The following CCL4L2 variants were observed in gnomAD, a reference collection of about 807,000 sequenced individuals.
CCL4L2 encodes the protein C-C motif chemokine 4-like.
A neutral mutation model predicts 5.9 loss-of-function variants in CCL4L2; 3 were observed. The observed-to-expected ratio is 0.51, with a 90% CI of 0.23 to 1.32. CCL4L2 has a LOEUF of 1.32. CCL4L2 is among the 40% of genes most tolerant of loss of function. The pLI, the probability that CCL4L2 is intolerant of heterozygous loss-of-function variation, is 0.18. For missense variants in CCL4L2, 74 were observed against 121.2 expected, an observed-to-expected ratio of 0.61 and a Z score of 1.83; for synonymous variants, 36 against 47.6, an observed-to-expected ratio of 0.76 and a Z score of 1.00.
Position 36,212,656 on chromosome 17 carries a change from CCT to C in CCL4L2, c.*237_*238del. On this transcript the variant is annotated 3_prime_UTR_variant, in exon 3 of 3. Coordinates refer to ENST00000617405, the MANE Select transcript of CCL4L2 (RefSeq NM_001291475.2). Reference sequence around the variant, plus strand: ...CCGCATCTCCTCCATACTCAGGACTCCTCTCCGCAGTTCCTGTCTCTTCTCTT... The same window carrying C: ...CCGCATCTCCTCCATACTCAGGACTCCTCCGCAGTTCCTGTCTCTTCTCTT... The C allele has an allele frequency of 1.4e-6, 2 of 1,413,742 alleles. No homozygotes were observed. The highest frequency in any genetic ancestry group is 2.0e-6 in the Non-Finnish European group (2 of 1,001,632). The allele number at this position is 1,413,742 out of a possible 1,614,324, so 87.6% of individuals were successfully genotyped here. A position where few individuals can be genotyped will look rare whatever the true frequency, so the allele number is the denominator to read the frequency against.
In CCL4L2 at chr17:36,211,164, T is replaced by C; in HGVS notation, c.23T>C (p.Leu8Pro). 1.3e-6 allele frequency: 2 copies of C among 1,581,840 alleles called. No individual in the cohort carries two copies. The highest frequency in any genetic ancestry group is 1.7e-6 in the Non-Finnish European group (2 of 1,156,844). The change falls in exon 1 of 3, where the codon CTG (leucine) becomes CCG (proline). Residue 8 changes from leucine to proline, a missense_variant. Leu to Pro is a moderately conservative substitution (Grantham distance 98). Transcript: ENST00000617405. ...ACCATGAAGCTCTGCGTGACTGTCCTGTCTCTCCTCGTGCTAGTAGCTGCC... is the reference window on the plus strand; with the variant it reads ...ACCATGAAGCTCTGCGTGACTGTCCCGTCTCTCCTCGTGCTAGTAGCTGCC...
At position 36,212,351 on chromosome 17, in the gene CCL4L2, T is replaced by G. The variant is rs1220642695; in HGVS notation, c.240T>G (p.Asp80Glu). 8 of 1,143,124 alleles carry G rather than the reference T, an allele frequency of 7.0e-6. 1 individual carries two copies. The highest frequency in any genetic ancestry group is 1.1e-5 in the Non-Finnish European group (8 of 753,004). 70.8% of individuals were successfully genotyped at this position (1,143,124 alleles called of 1,614,324 possible). The stretch of plus-strand genomic sequence containing the variant: ...GCTTCCAGTGCTGCTCCGGGAAGGA[T>G]CCCATCCACCAGAGCTGCCCCACAT... Residue 80 changes from aspartate to glutamate, a missense_variant, in exon 3 of 3, where the codon GAT (aspartate) becomes GAG (glutamate). Asp to Glu is a conservative substitution (Grantham distance 45, BLOSUM62 2). Coordinates refer to ENST00000617405, the MANE Select transcript of CCL4L2 (RefSeq NM_001291475.2).
At chr17:36,211,732 G>C in intron 1 of CCL4L2, 44 bp from the exon 2 acceptor site, 1 of 1,557,282 alleles carries the variant, frequency 6.4e-7, no homozygotes, top group Non-Finnish European at 8.8e-7. Context: ...AAAATAAACA[G>C]CTCCCATGGG....
rs1357013962 is a variant in CCL4L2, at chr17:36,212,302, G to T, written c.192-1G>T. 12 of 892,306 alleles carry T rather than the reference G, an allele frequency of 1.3e-5. 1 individual carries two copies. Among genetic ancestry groups the T allele is most frequent in the Non-Finnish European group, 2.2e-5 (12 of 536,470 alleles). 55.3% of individuals were successfully genotyped at this position (892,306 alleles called of 1,614,324 possible). A position where few individuals can be genotyped will look rare whatever the true frequency, so the allele number is the denominator to read the frequency against. ...CCCCTGGGGCCCACAGCTAAATCCA[G>T]TGAGTGGAAGTTACAGGGAGTCTGC... On this transcript the variant is annotated splice_acceptor_variant, in intron 2 of 2. Coordinates refer to ENST00000617405, the MANE Select transcript of CCL4L2 (RefSeq NM_001291475.2). LOFTEE classifies it high-confidence loss of function.
intron 2 of CCL4L2, chr17:36,212,220 G>A (rs1331999593): frequency 7.0e-6 from 5 of 713,934 alleles, no homozygotes; most frequent in South Asian, 4.5e-5. Context: ...GGCTGGCAGG[G>A]AATGGGGCAA....
At position 36,211,177 on chromosome 17, in the gene CCL4L2, G is replaced by C. The variant is rs2068768117; in HGVS notation, c.36G>C (p.Val12=). The C allele has an allele frequency of 3.2e-6, 5 of 1,581,542 alleles. No individual in the cohort carries two copies. The highest frequency in any genetic ancestry group is 4.3e-6 in the Non-Finnish European group (5 of 1,156,756). ...GCGTGACTGTCCTGTCTCTCCTCGT[G>C]CTAGTAGCTGCCTTCTGCTCTCTAG... is the stretch of plus-strand genomic sequence containing the variant. Residue 12 remains valine (V), a synonymous_variant, in exon 1 of 3, where the codon GTG becomes GTC. Transcript: ENST00000617405.
chr17:36,211,662 C>A, intron 1 of CCL4L2, 114 bp from the exon 2 acceptor site: 1 of 1,130,000 alleles, frequency 8.8e-7, no homozygotes, highest in South Asian at 1.3e-5. Context: ...TACAAGGGAC[C>A]ATATTTGGGG....
rs1409452112 is a variant in CCL4L2, at chr17:36,212,534, G to T, written c.*111G>T. 1.9e-6 allele frequency: 3 copies of T among 1,581,330 alleles called. No individual in the cohort carries two copies. The Admixed American group carries it at 5.1e-5, about 27-fold the overall frequency. On this transcript the variant is annotated 3_prime_UTR_variant, in exon 3 of 3. Transcript: ENST00000617405. ...CTGCGCTGACCCCAGTGAGTCCTGG[G>T]TCCAGGAGTACGTGTATGACCTGGA...
chr17:36,211,174 C>T lies in CCL4L2; in HGVS notation c.33C>T (p.Leu11=), dbSNP rs1406424507. Residue 11 remains leucine, a synonymous_variant, in exon 1 of 3, where the codon CTC becomes CTT. Transcript: ENST00000617405. ...TCTGCGTGACTGTCCTGTCTCTCCT[C>T]GTGCTAGTAGCTGCCTTCTGCTCTC... 5.2e-5 allele frequency: 83 copies of T among 1,581,718 alleles called. 7 individuals carry two copies. The highest frequency in any genetic ancestry group is 1.6e-4 in the East Asian group (7 of 44,606).
chr17:36,212,476 C>G lies in CCL4L2; in HGVS notation c.*53C>G, dbSNP rs1434973898. The G allele has an allele frequency of 3.2e-3, 5,126 of 1,581,318 alleles. 618 individuals carry two copies. The highest frequency in any genetic ancestry group is 4.0e-3 in the Non-Finnish European group (4,652 of 1,156,446). On this transcript the variant is annotated 3_prime_UTR_variant, in exon 3 of 3. Transcript: ENST00000617405. ...GATTCTAATCTGTCTGCTCCTTGTT[C>G]TACGGATTCCAAACCAAAAGAGGCA...
chr17:36,211,954 T>C, intron 2 of CCL4L2, 64 bp downstream of exon 2: 2 of 1,512,526 alleles, frequency 1.3e-6, no homozygotes, highest in South Asian at 1.1e-5. Flanking sequence ...AAAGGGGGCC[T>C]GTTTTGGGGA....
Position 36,212,460 on chromosome 17 carries a change from C to G in CCL4L2, c.*37C>G. 6.3e-7 allele frequency: 1 copy of G among 1,581,232 alleles called. No homozygotes were observed. Among genetic ancestry groups the G allele is most frequent in the Non-Finnish European group, 8.6e-7 (1 of 1,156,280 alleles). Reference sequence around the variant, plus strand: ...CTCAAAGGTCCCATGGGATTCTAATCTGTCTGCTCCTTGTTCTACGGATTC... The same window carrying G: ...CTCAAAGGTCCCATGGGATTCTAATGTGTCTGCTCCTTGTTCTACGGATTC... On this transcript the variant is annotated 3_prime_UTR_variant, in exon 3 of 3. Transcript: ENST00000617405.
Position 36,212,033 on chromosome 17 carries a change from G to A in CCL4L2, c.191+143G>A, listed in dbSNP as rs566772219. On this transcript the variant is annotated intron_variant, in intron 2 of 2. Transcript: ENST00000617405. The stretch of plus-strand genomic sequence containing the variant: ...TTCCCTGACAGCAGTGAGGTCACAG[G>A]TCATGAACTCACTTTTCAAGTGCTG... 293 of 1,030,382 alleles carry A rather than the reference G, an allele frequency of 2.8e-4. 1 individual carries two copies. The African/African-American group carries it at 3.0e-3, about 11-fold the overall frequency. 63.8% of individuals were successfully genotyped at this position (1,030,382 alleles called of 1,614,324 possible). A position where few individuals can be genotyped will look rare whatever the true frequency, so the allele number is the denominator to read the frequency against.
Position 36,211,114 on chromosome 17 carries a change from C to T in CCL4L2, c.-28C>T. On this transcript the variant is annotated 5_prime_UTR_variant, in exon 1 of 3. Coordinates refer to ENST00000617405, the MANE Select transcript of CCL4L2 (RefSeq NM_001291475.2). Reference sequence around the variant, plus strand: ...GCTTCTGAGTTCTGCAGCCTCACCTCTGAGAAAACCTCTTTGCCACCAATA... The same window carrying T: ...GCTTCTGAGTTCTGCAGCCTCACCTTTGAGAAAACCTCTTTGCCACCAATA... 1 of 1,578,244 alleles carries T rather than the reference C, an allele frequency of 6.3e-7. No homozygotes were observed. Among genetic ancestry groups the T allele is most frequent in the South Asian group, 1.1e-5 (1 of 89,032 alleles).
chr17:36,212,759 TAA>T lies in CCL4L2; in HGVS notation c.*337_*338del. On this transcript the variant is annotated 3_prime_UTR_variant, in exon 3 of 3. Transcript: ENST00000617405. ...TATTTATATTAGTTTAGCCAAAGGA[TAA>T]GTGTCCCCTATGGGGATGGTCCACT... 1 of 788,766 alleles carries T rather than the reference TAA, an allele frequency of 1.3e-6. No individual in the cohort carries two copies. Among genetic ancestry groups the T allele is most frequent in the Non-Finnish European group, 2.1e-6 (1 of 479,286 alleles). The allele number at this position is 788,766 out of a possible 1,614,324, so 48.9% of individuals were successfully genotyped here. A position where few individuals can be genotyped will look rare whatever the true frequency, so the allele number is the denominator to read the frequency against.
In CCL4L2 at chr17:36,211,224, C is replaced by T; in HGVS notation, c.76+7C>T. 6.3e-7 allele frequency: 1 copy of T among 1,581,232 alleles called. No individual in the cohort carries two copies. Among genetic ancestry groups the T allele is most frequent in the Non-Finnish European group, 8.6e-7 (1 of 1,156,426 alleles). On this transcript the variant is annotated splice_region_variant and intron_variant, in intron 1 of 2. Transcript: ENST00000617405. ...CTAGCACTCTCAGCACCAAGTAAGT[C>T]TACTTTTGCAGCTGCTATTTCGAGT...
Position 36,212,771 on chromosome 17 carries a change from A to T in CCL4L2, c.*348A>T, listed in dbSNP as rs913678888. On this transcript the variant is annotated 3_prime_UTR_variant, in exon 3 of 3. Coordinates refer to ENST00000617405, the MANE Select transcript of CCL4L2 (RefSeq NM_001291475.2). ...TTTAGCCAAAGGATAAGTGTCCCCTATGGGGATGGTCCACTCTCACTCTTT... is the reference window on the plus strand; with the variant it reads ...TTTAGCCAAAGGATAAGTGTCCCCTTTGGGGATGGTCCACTCTCACTCTTT... The T allele has an allele frequency of 1.6e-5, 11 of 702,288 alleles. No homozygotes were observed. The Admixed American group carries it at 2.8e-4, about 18-fold the overall frequency. 43.5% of individuals were successfully genotyped at this position (702,288 alleles called of 1,614,324 possible).
chr17:36,211,979 T>C (rs3744594), intron 2 of CCL4L2, 89 bp downstream of exon 2: 931,128 of 1,366,220 alleles, frequency 0.68, 317,367 homozygotes, highest in Non-Finnish European at 0.73. Flanking sequence ...GTGATGAGCG[T>C]TGGGGAGGCA....
rs757457627 is a variant in CCL4L2 at position 36,212,545 on chromosome 17, C to A, written c.*122C>A. The A allele has an allele frequency of 1.3e-6, 2 of 1,581,422 alleles. No homozygotes were observed. The highest frequency in any genetic ancestry group is 1.1e-5 in the South Asian group (1 of 89,114). On this transcript the variant is annotated 3_prime_UTR_variant, in exon 3 of 3. Transcript: ENST00000617405. ...CCAGTGAGTCCTGGGTCCAGGAGTA[C>A]GTGTATGACCTGGAACTGAACTGAG... is the stretch of plus-strand genomic sequence containing the variant.
Sources: gnomAD v4.1 joint callset for allele counts on GRCh38, gnomAD v4.1.1 for gene constraint, MANE v1.5 for transcripts, NCBI Gene and HGNC (gene_info 2026-07-23, HGNC 2026-07-21) for gene names.